NUP85: variants seen among roughly 807,000 people sequenced by gnomAD.
The protein encoded by NUP85 is nucleoporin 85.
A neutral mutation model predicts 92.8 loss-of-function variants in NUP85; 23 were observed. The observed-to-expected ratio is 0.25, with a 90% CI of 0.18 to 0.35. The LOEUF (loss-of-function observed/expected upper bound fraction) is 0.35. NUP85 is among the 10% of genes least tolerant of loss of function. NUP85 has a pLI of 1.00. For missense variants in NUP85, 759 were observed against 822.8 expected (o/e 0.92, Z 0.95); for synonymous variants, 314 against 306.9 (o/e 1.02, Z -0.24).
chr17:75,211,947 C>G, intron 3 of NUP85, 45 bp from the exon 4 acceptor site: 2 of 1,464,744 alleles, frequency 1.4e-6, no homozygotes, highest in Non-Finnish European at 1.9e-6. Context: ...TGTGGCACTA[C>G]AAGATGTTCC....
chr17:75,225,178 G>C lies in NUP85; in HGVS notation c.673G>C (p.Ala225Pro). The C allele has an allele frequency of 6.2e-7, 1 of 1,609,738 alleles. No homozygotes were observed. ...CTCCAAGGAAGCCGATGCCAGCCCC[G>C]CCTCTGCAGGCATATGCCGAATCAT... ...MLSKEADASPASAGICRIMGD... is the reference protein window; with the variant it reads ...MLSKEADASPPSAGICRIMGD... The change falls in exon 8 of 19, where the codon GCC becomes CCC. Residue 225 changes from alanine to proline, a missense_variant. Coordinates refer to ENST00000245544, the MANE Select transcript of NUP85 (RefSeq NM_024844.5).
chr17:75,233,373 TTC>T (rs1359462081), intron 16 of NUP85, among the ~76,000 whole-genome samples: 3 of 104,908 alleles, frequency 2.9e-5, no homozygotes, highest in South Asian at 8.9e-4. Context: ...TTGTTTTTCT[TTC>T]TTTCTCTCTT....
chr17:75,227,123 A>T (rs1488076456), intron 11 of NUP85: 1 of 157,544 alleles, frequency 6.3e-6, no homozygotes, highest in East Asian at 1.9e-4. Context: ...CTGGGAAGGG[A>T]GGAAGTGGGT....
chr17:75,228,946 A>C (rs1325642109), intron 11 of NUP85: 8 of 985,278 alleles, frequency 8.1e-6, no homozygotes, highest in Non-Finnish European at 9.6e-6. Flanking sequence ...CTTAGCTGAA[A>C]GGAGATGGCA....
Position 75,211,988 on chromosome 17 carries a change from G to C in NUP85, c.291-4G>C, listed in dbSNP as rs375361340. ...CATCTTGTGTGTTATTTCATTTTTT[G>C]TAGATTGGTTCGAGTGAGTAAAAAC... On this transcript the variant is annotated splice_polypyrimidine_tract_variant and splice_region_variant and intron_variant, in intron 3 of 18. Coordinates refer to ENST00000245544, the MANE Select transcript of NUP85 (RefSeq NM_024844.5). The C allele has an allele frequency of 3.2e-5, 52 of 1,610,152 alleles. No homozygotes were observed. Among genetic ancestry groups the C allele is most frequent in the Non-Finnish European group, 4.3e-5 (51 of 1,177,656 alleles).
intron 17 of NUP85, 82 bp from the exon 18 acceptor site, chr17:75,235,018 G>T (rs2076276427): frequency 8.5e-7 from 1 of 1,178,334 alleles, no homozygotes; most frequent in South Asian, 1.2e-5. Context: ...ATGAAAGGAA[G>T]AACGTCCGAA....
At chr17:75,225,967 CTG>C (rs958037228) in intron 10 of NUP85, 82 bp from the exon 11 acceptor site, 3 of 1,598,116 alleles carry the variant, frequency 1.9e-6, no homozygotes, top group Middle Eastern at 1.7e-4. Context: ...GGCACCTTCT[CTG>C]GGGTTCGTTA....
At chr17:75,230,044 A>T (rs945204418) in intron 11 of NUP85, among the ~76,000 whole-genome samples, 9 of 140,374 alleles carry the variant, frequency 6.4e-5, no homozygotes, top group African/African-American at 1.1e-4. Context: ...GGTGTACAAA[A>T]TTTTTTTTTT....
chr17:75,226,774 A>G, intron 11 of NUP85: 2 of 449,720 alleles, frequency 4.4e-6, no homozygotes, highest in Non-Finnish European at 8.9e-6. Context: ...CATCGCGGGA[A>G]ACTACTTTGA....
At position 75,231,764 on chromosome 17, in the gene NUP85, G is replaced by T. The variant is rs2076069599; in HGVS notation, c.1245-64G>T. On this transcript the variant is annotated intron_variant, in intron 13 of 18. Coordinates refer to ENST00000245544, the MANE Select transcript of NUP85 (RefSeq NM_024844.5). The surrounding 1 kb of genome is among the most constrained non-coding windows in gnomAD (Gnocchi z 4.6). ...TCGGAAGGGTCAGTGAAAGGGAGCT[G>T]TAGGTGCCAGTCCTCGGAGCCATGA... The T allele has an allele frequency of 6.2e-7, 1 of 1,607,824 alleles. No homozygotes were observed. Among genetic ancestry groups the T allele is most frequent in the South Asian group, 1.1e-5 (1 of 90,754 alleles).
rs745412153 is a variant in NUP85 at position 75,235,188 on chromosome 17, C to T, written c.1856C>T (p.Thr619Ile). The T allele has an allele frequency of 6.2e-7, 1 of 1,612,766 alleles. No individual in the cohort carries two copies. The highest frequency in any genetic ancestry group is 8.5e-7 in the Non-Finnish European group (1 of 1,179,288). ...SRRPVHGESD[T>I]EQLQDDDIET... ...AGACCTGTGCATGGAGAATCTGATACCGAGCAGCTCCAGGTCATTTTCACT... is the reference window on the plus strand; with the variant it reads ...AGACCTGTGCATGGAGAATCTGATATCGAGCAGCTCCAGGTCATTTTCACT... The change falls in exon 18 of 19, where the codon ACC (threonine) becomes ATC (isoleucine). Residue 619 changes from threonine (T) to isoleucine (I), a missense_variant. Coordinates refer to ENST00000245544, the MANE Select transcript of NUP85 (RefSeq NM_024844.5).
chr17:75,225,552 CT>C, intron 9 of NUP85, 88 bp downstream of exon 9: 1 of 1,577,414 alleles, frequency 6.3e-7, no homozygotes, highest in Non-Finnish European at 8.6e-7. Context: ...CTTGGTCCTC[CT>C]TGGATAGGGC....
chr17:75,227,662 G>A (rs117768794), intron 11 of NUP85, among the ~76,000 whole-genome samples: 4,408 of 144,836 alleles, frequency 0.03, 103 homozygotes, highest in Non-Finnish European at 0.045. Flanking sequence ...TTTTGAAACA[G>A]GGTCTCACTT....
intron 16 of NUP85, among the ~76,000 whole-genome samples, chr17:75,233,888 G>A (rs1310224369): frequency 6.6e-6 from 1 of 151,914 alleles, no homozygotes; most frequent in Non-Finnish European, 1.5e-5. Context: ...GTGAGCCACT[G>A]CGCCCCGCCT....
chr17:75,219,829 G>C (rs1007817156), intron 7 of NUP85, among the ~76,000 whole-genome samples: 1 of 152,136 alleles, frequency 6.6e-6, no homozygotes, highest in African/African-American at 2.4e-5. Context: ...GGTGAGACCT[G>C]AAGGAGGTGA....
At chr17:75,218,352 C>T in intron 7 of NUP85, 46 bp downstream of exon 7, 1 of 1,608,038 alleles carries the variant, frequency 6.2e-7, no homozygotes, top group Non-Finnish European at 8.5e-7. Flanking sequence ...TCCTACTGTC[C>T]CTGGTGCTGC....
chr17:75,219,246 A>G (rs1325626990), intron 7 of NUP85, among the ~76,000 whole-genome samples: 3 of 152,168 alleles, frequency 2.0e-5, no homozygotes, highest in East Asian at 3.8e-4. Flanking sequence ...GTAGTGGGCC[A>G]AATGTTTGAG....
chr17:75,225,155 C>A lies in NUP85; in HGVS notation c.650C>A (p.Ser217Tyr). ...GRLDEARQML[S>Y]KEADASPASA... ...CTGGATGAGGCCCGACAGATGCTCT[C>A]CAAGGAAGCCGATGCCAGCCCCGCC... Residue 217 changes from serine to tyrosine, a missense_variant, in exon 8 of 19, where the codon TCC becomes TAC. Physicochemically the swap from Ser to Tyr is moderately radical, Grantham distance 144. Transcript: ENST00000245544. The A allele has an allele frequency of 6.2e-7, 1 of 1,603,744 alleles. No homozygotes were observed.
rs368833946 is a variant in NUP85, at chr17:75,225,428, A to G, written c.819A>G (p.Thr273=). The G allele has an allele frequency of 6.2e-7, 1 of 1,614,006 alleles. No individual in the cohort carries two copies. The highest frequency in any genetic ancestry group is 1.3e-5 in the African/African-American group (1 of 74,958). Residue 273 remains threonine (T), a synonymous_variant, in exon 9 of 19, where the codon ACA becomes ACG. Coordinates refer to ENST00000245544, the MANE Select transcript of NUP85 (RefSeq NM_024844.5). ...EECERYLQDS[T]FATSPHLESL... ...GTGAGCGGTACCTCCAGGACAGCAC[A>G]TTCGCCACCAGCCCTCACCTGGAGT...
Sources: gnomAD v4.1 joint callset for allele counts (sites outside exome capture counted in the v4.1 genomes callset) on GRCh38, gnomAD v4.1.1 for gene constraint, Gnocchi (gnomAD v3.1) non-coding constraint, MANE v1.5 for transcripts, NCBI Gene and HGNC (gene_info 2026-07-23, HGNC 2026-07-21) for gene names.